The following PTPRR variants were observed in gnomAD, a reference collection of about 807,000 sequenced individuals.
The protein encoded by PTPRR is receptor-type tyrosine-protein phosphatase R.
Under a neutral mutation model 77.2 loss-of-function variants are expected in PTPRR, and 38 were observed. The observed-to-expected ratio is 0.49, with a 90% CI of 0.38 to 0.65. PTPRR has a LOEUF of 0.65. Among genes scored for constraint, PTPRR ranks in the 30% least tolerant of loss-of-function variants. PTPRR has a pLI of 0.00. For synonymous variants in PTPRR, 299 were observed against 283.1 expected (o/e 1.06, Z -0.57); for missense variants, 744 against 799.2 (o/e 0.93, Z 0.83).
chr12:70,853,532 C>T (rs1406143890), intron 2 of PTPRR, among the ~76,000 whole-genome samples: 1 of 152,214 alleles, frequency 6.6e-6, no homozygotes, highest in Non-Finnish European at 1.5e-5. Flanking sequence ...TGTTGTCTTC[C>T]TTTGGATTTT....
chr12:70,699,556 C>T (rs2136778280), intron 7 of PTPRR, among the ~76,000 whole-genome samples: 1 of 152,292 alleles, frequency 6.6e-6, no homozygotes, highest in South Asian at 2.1e-4. Context: ...AAGGCATCCT[C>T]CCATCTCAGC....
In PTPRR at chr12:70,814,350, C is replaced by G. The variant is rs962623867; in HGVS notation, c.358-49572G>C. Reference sequence around the variant, plus strand: ...TGTGTGGGAGGGGAAGGGTGGTCACCTTGGGCGATTTTGTTCTCTGCCCAG... The same window carrying G: ...TGTGTGGGAGGGGAAGGGTGGTCACGTTGGGCGATTTTGTTCTCTGCCCAG... On this transcript the variant is annotated intron_variant, in intron 2 of 13. Transcript: ENST00000283228. Among the ~76,000 whole-genome samples, 6 of 152,224 alleles carry G rather than the reference C, an allele frequency of 3.9e-5. No homozygotes were observed. In the South Asian group the frequency reaches 1.0e-3, roughly 26 times the overall value.
chr12:70,795,131 A>G (rs1891489027), intron 2 of PTPRR, among the ~76,000 whole-genome samples: 2 of 152,188 alleles, frequency 1.3e-5, no homozygotes, highest in Admixed American at 6.5e-5. Context: ...TTGGGATGCC[A>G]CATACTCTAA....
chr12:70,693,645 T>C (rs900016393), intron 8 of PTPRR, among the ~76,000 whole-genome samples: 2 of 151,836 alleles, frequency 1.3e-5, no homozygotes, highest in African/African-American at 4.8e-5. Flanking sequence ...ATACAACATA[T>C]AACTGAGTAT....
chr12:70,908,462 G>A (rs1281386849), intron 1 of PTPRR, among the ~76,000 whole-genome samples: 1 of 152,152 alleles, frequency 6.6e-6, no homozygotes, highest in Non-Finnish European at 1.5e-5. Flanking sequence ...TCACATGGCA[G>A]CAGGTGAGAG....
chr12:70,765,901 C>T (rs901675062), intron 2 of PTPRR, among the ~76,000 whole-genome samples: 4 of 152,200 alleles, frequency 2.6e-5, no homozygotes, highest in Admixed American at 6.5e-5. Flanking sequence ...CCCAAGAAAA[C>T]AGGGTCTGGA....
intron 2 of PTPRR, among the ~76,000 whole-genome samples, chr12:70,831,200 CA>C (rs1251079120): frequency 5.9e-5 from 9 of 152,168 alleles, no homozygotes; most frequent in Admixed American, 1.3e-4. Context: ...GATTGAACAA[CA>C]AAAAAACTCA....
chr12:70,745,702 T>C (rs1890189711), intron 6 of PTPRR, 116 bp downstream of exon 6: 3 of 1,198,748 alleles, frequency 2.5e-6, no homozygotes, highest in Non-Finnish European at 3.5e-6. Context: ...GACTGTCCAT[T>C]TAGTGGTGAA....
chr12:70,707,869 T>C (rs1181289267), intron 6 of PTPRR, among the ~76,000 whole-genome samples: 2 of 152,102 alleles, frequency 1.3e-5, no homozygotes, highest in African/African-American at 4.8e-5. Context: ...CTGGAATATC[T>C]GAGCACTGAA....
chr12:70,693,989 G>A (rs777773632), intron 8 of PTPRR, among the ~76,000 whole-genome samples: 16 of 151,938 alleles, frequency 1.1e-4, no homozygotes, highest in African/African-American at 3.1e-4. Context: ...TAATTTTCTC[G>A]GTAGCCTTGT....
intron 13 of PTPRR, among the ~76,000 whole-genome samples, chr12:70,645,118 G>T (rs1886149019): frequency 6.6e-6 from 1 of 152,198 alleles, no homozygotes; most frequent in South Asian, 2.1e-4. Context: ...CCCTGGGCAG[G>T]GCAGAGGAGG....
At chr12:70,797,115 T>C (rs982686003) in intron 2 of PTPRR, among the ~76,000 whole-genome samples, 1 of 152,244 alleles carries the variant, frequency 6.6e-6, no homozygotes, top group Non-Finnish European at 1.5e-5. Context: ...TGCTTTGCTC[T>C]TTCAAGCTCT....
intron 6 of PTPRR, among the ~76,000 whole-genome samples, chr12:70,721,073 C>T (rs1224388474): frequency 1.3e-5 from 2 of 152,168 alleles, no homozygotes; most frequent in African/African-American, 4.8e-5. Context: ...ACACTCGTGC[C>T]ATATTCCCCT....
intron 2 of PTPRR, among the ~76,000 whole-genome samples, chr12:70,826,985 A>T (rs2137046466): frequency 6.6e-6 from 1 of 152,230 alleles, no homozygotes; most frequent in East Asian, 1.9e-4. Flanking sequence ...ATGTTCTTCC[A>T]CTTGAAGCCA....
chr12:70,770,507 A>G (rs1460212070), intron 2 of PTPRR, among the ~76,000 whole-genome samples: 2 of 152,114 alleles, frequency 1.3e-5, no homozygotes, highest in African/African-American at 4.8e-5. Context: ...AAGTCAGGAA[A>G]CAACAGGTGC....
At chr12:70,860,978 A>G (rs1192818829) in intron 2 of PTPRR, among the ~76,000 whole-genome samples, 2 of 152,110 alleles carry the variant, frequency 1.3e-5, no homozygotes, top group Non-Finnish European at 2.9e-5. Flanking sequence ...TGGAAATAGT[A>G]TGCATGCATT....
intron 2 of PTPRR, among the ~76,000 whole-genome samples, chr12:70,858,329 A>G (rs1377554144): frequency 2.0e-5 from 3 of 151,868 alleles, no homozygotes; most frequent in Non-Finnish European, 4.4e-5. Flanking sequence ...TCCATCTTGG[A>G]CTCTGTCTTG....
chr12:70,906,534 T>C (rs1168790190), intron 1 of PTPRR, among the ~76,000 whole-genome samples: 1 of 152,054 alleles, frequency 6.6e-6, no homozygotes, highest in Non-Finnish European at 1.5e-5. Context: ...GTGTCAACAG[T>C]AATAACACTA....
At chr12:70,696,929 T>C (rs183247518) in intron 8 of PTPRR, among the ~76,000 whole-genome samples, 1 of 152,278 alleles carries the variant, frequency 6.6e-6, no homozygotes, top group African/African-American at 2.4e-5. Context: ...GGTTCATCAG[T>C]GCCTTGTTCC....
Sources: allele counts gnomAD v4.1 joint callset (sites outside exome capture counted in the v4.1 genomes callset), GRCh38; gene constraint gnomAD v4.1.1; transcripts MANE v1.5; gene names NCBI Gene and HGNC (gene_info 2026-07-23, HGNC 2026-07-21).